FRMD4A: variants seen among roughly 807,000 people sequenced by gnomAD.
FRMD4A encodes the protein FERM domain containing 4A.
A neutral mutation model predicts 129.1 loss-of-function variants in FRMD4A; 29 were observed. The observed-to-expected ratio is 0.22, with a 90% CI of 0.17 to 0.31. FRMD4A has a LOEUF of 0.31. Among genes scored for constraint, FRMD4A ranks in the 10% least tolerant of loss-of-function variants. The probability of loss-of-function intolerance (pLI) is 1.00; values close to 1 mark genes in which losing one functional copy is unlikely to be tolerated. For missense variants in FRMD4A, 1,272 were observed against 1,375.8 expected (o/e 0.92, Z 1.19); for synonymous variants, 634 against 571.6 (o/e 1.11, Z -1.56).
chr10:13,830,211 G>A (rs1007691892), intron 3 of FRMD4A, among the ~76,000 whole-genome samples: 1 of 152,154 alleles, frequency 6.6e-6, no homozygotes, highest in Non-Finnish European at 1.5e-5. Flanking sequence ...AGCATCCATC[G>A]GGCAGGGCGC....
chr10:14,135,018 G>T lies in FRMD4A; in HGVS notation c.45+195040C>A, dbSNP rs889818539. ...AGGGACTAATTTTTTTTGAGGACTA[G>T]AGGTTGCACATGTAACCTACAATTC... is the stretch of plus-strand genomic sequence containing the variant. On this transcript the variant is annotated intron_variant, in intron 2 of 24. Transcript: ENST00000357447. 2.6e-5 allele frequency among the ~76,000 whole-genome samples: 4 copies of T among 152,314 alleles called. No homozygotes were observed. In the East Asian group the frequency reaches 7.7e-4, roughly 29 times the overall value.
chr10:13,656,237 T>C (rs2082131209), intron 22 of FRMD4A, among the ~76,000 whole-genome samples: 1 of 152,172 alleles, frequency 6.6e-6, no homozygotes, highest in African/African-American at 2.4e-5. Context: ...CCAGCTTCCT[T>C]TGCAAGCTAC....
chr10:13,821,744 C>T lies in FRMD4A; in HGVS notation c.112-10836G>A, dbSNP rs915344051. On this transcript the variant is annotated intron_variant, in intron 3 of 24. Coordinates refer to ENST00000357447, the MANE Select transcript of FRMD4A (RefSeq NM_018027.5). The surrounding 1 kb of genome is among the most constrained non-coding windows in gnomAD (Gnocchi z 4.3). ...AGTGGGAGAACTGAACCGCGGCACA[C>T]AGGTGGGCATGGGTCACCCAGGATT... 2.0e-5 allele frequency among the ~76,000 whole-genome samples: 3 copies of T among 152,194 alleles called. No homozygotes were observed. The highest frequency in any genetic ancestry group is 2.9e-5 in the Non-Finnish European group (2 of 68,032).
intron 2 of FRMD4A, among the ~76,000 whole-genome samples, chr10:14,061,985 A>C (rs1287634830): frequency 6.6e-6 from 1 of 151,926 alleles, no homozygotes; most frequent in Admixed American, 6.6e-5. Flanking sequence ...CTTGCAGCTA[A>C]AGGAATTCTG....
intron 2 of FRMD4A, among the ~76,000 whole-genome samples, chr10:14,296,995 C>T (rs1367748856): frequency 1.3e-5 from 2 of 152,200 alleles, no homozygotes; most frequent in East Asian, 1.9e-4. Flanking sequence ...TACTTCTCAT[C>T]GTAGTGCTGC....
At chr10:14,077,663 A>T (rs745401302) in intron 2 of FRMD4A, among the ~76,000 whole-genome samples, 1 of 152,210 alleles carries the variant, frequency 6.6e-6, no homozygotes, top group Non-Finnish European at 1.5e-5. Context: ...TTGATGTTGC[A>T]TCTGTGAGAA....
At chr10:14,174,879 CTGTGTGTG>C (rs56966643) in intron 2 of FRMD4A, among the ~76,000 whole-genome samples, 4,392 of 87,612 alleles carry the variant, frequency 0.05, 93 homozygotes, top group South Asian at 0.14. Context: ...GTGTGTGTGT[CTGTGTGTG>C]TGTGTGTGTG....
intron 23 of FRMD4A, chr10:13,652,426 C>A: frequency 5.9e-6 from 1 of 168,382 alleles, no homozygotes; most frequent in Non-Finnish European, 1.3e-5. Flanking sequence ...GGGCATGATT[C>A]AGAAAAGTTG....
At chr10:14,054,607 C>T (rs78174999) in intron 2 of FRMD4A, among the ~76,000 whole-genome samples, 3,580 of 152,254 alleles carry the variant, frequency 0.024, 67 homozygotes, top group Non-Finnish European at 0.034. Context: ...GGGCAGTCCA[C>T]GCACACCCAG....
chr10:13,814,608 G>A (rs59638552), intron 3 of FRMD4A, among the ~76,000 whole-genome samples: 33,415 of 82,436 alleles, frequency 0.41, 5,861 homozygotes, highest in Middle Eastern at 0.45. Flanking sequence ...AAAAAAAAAA[G>A]AAAGAAAGGG....
chr10:13,915,919 G>T (rs377105426), intron 2 of FRMD4A, among the ~76,000 whole-genome samples: 1 of 152,136 alleles, frequency 6.6e-6, no homozygotes, highest in Non-Finnish European at 1.5e-5. Context: ...CAGGCACGGC[G>T]AACAAAGAGC....
intron 2 of FRMD4A, among the ~76,000 whole-genome samples, chr10:14,327,872 T>C (rs1843341332): frequency 6.6e-6 from 1 of 152,222 alleles, no homozygotes; most frequent in South Asian, 2.1e-4. Context: ...GGCTGATGAA[T>C]GAGCTCATAA....
chr10:14,245,206 T>C (rs1467007079), intron 2 of FRMD4A, among the ~76,000 whole-genome samples: 1 of 152,112 alleles, frequency 6.6e-6, no homozygotes, highest in Non-Finnish European at 1.5e-5. Context: ...TGGGCTGGGA[T>C]CAGTGGCAGT....
intron 2 of FRMD4A, among the ~76,000 whole-genome samples, chr10:13,862,617 A>G (rs899854409): frequency 1.2e-4 from 19 of 152,376 alleles, no homozygotes; most frequent in Admixed American, 9.8e-4. Context: ...TGTAGAAAGC[A>G]AAATGTCTCT....
Position 13,911,016 on chromosome 10 carries a change from G to C in FRMD4A, c.46-52104C>G, listed in dbSNP as rs192484690. Among the ~76,000 whole-genome samples the C allele has an allele frequency of 2.6e-5, 4 of 151,808 alleles. No individual in the cohort carries two copies. The East Asian group carries it at 7.7e-4, about 29-fold the overall frequency. On this transcript the variant is annotated intron_variant, in intron 2 of 24. Coordinates refer to ENST00000357447, the MANE Select transcript of FRMD4A (RefSeq NM_018027.5). ...ATTTGACTTCAAAATTGTATTCTAG[G>C]TATATCCTTTTCCTTCTCAGCCAGG...
rs542659816 is a variant in FRMD4A, at chr10:14,057,537, A to C, written c.46-198625T>G. On this transcript the variant is annotated intron_variant, in intron 2 of 24. Transcript: ENST00000357447. The stretch of plus-strand genomic sequence containing the variant: ...ATGCTGCAGCCAGTTTTGAAACCAA[A>C]GGCCTCCCTTCCTATCTACTGTGTG... 4.6e-5 allele frequency among the ~76,000 whole-genome samples: 7 copies of C among 151,990 alleles called. No individual in the cohort carries two copies. In the East Asian group the frequency reaches 1.4e-3, roughly 29 times the overall value.
intron 6 of FRMD4A, 21 bp downstream of exon 6, chr10:13,782,901 T>C: frequency 9.1e-7 from 1 of 1,095,460 alleles, no homozygotes; most frequent in Non-Finnish European, 1.4e-6. Flanking sequence ...AGAGGGAAAT[T>C]GAGGGAGAGG....
intron 2 of FRMD4A, among the ~76,000 whole-genome samples, chr10:13,996,494 T>C (rs1588708816): frequency 6.6e-6 from 1 of 152,300 alleles, no homozygotes; most frequent in East Asian, 1.9e-4. Context: ...CACAGACTCG[T>C]GGGAGGGCTC....
At chr10:13,951,271 A>G (rs770701563) in intron 2 of FRMD4A, among the ~76,000 whole-genome samples, 10 of 152,096 alleles carry the variant, frequency 6.6e-5, no homozygotes, top group Non-Finnish European at 1.2e-4. Flanking sequence ...GTTGGTGAGG[A>G]TGCGGGGCGC....
Sources: allele counts gnomAD v4.1 joint callset (sites outside exome capture counted in the v4.1 genomes callset), GRCh38; gene constraint gnomAD v4.1.1; non-coding constraint Gnocchi (gnomAD v3.1); transcripts MANE v1.5; gene names NCBI Gene and HGNC (gene_info 2026-07-23, HGNC 2026-07-21).